ERBB4: variants seen among roughly 807,000 people sequenced by gnomAD.
The protein encoded by ERBB4 is receptor tyrosine-protein kinase erbB-4.
A neutral mutation model predicts 158.0 loss-of-function variants in ERBB4; 42 were observed. That is an observed-to-expected ratio of 0.27 (90% CI 0.21 to 0.34). ERBB4 has a LOEUF of 0.34. Among genes scored for constraint, ERBB4 ranks in the 10% least tolerant of loss-of-function variants. The pLI is 1.00. For synonymous variants in ERBB4, 583 were observed against 558.7 expected (o/e 1.04, Z -0.61); for missense variants, 1,333 against 1,624.1 (o/e 0.82, Z 3.08).
chr2:211,623,202 G>C lies in ERBB4; in HGVS notation c.2202+720C>G, dbSNP rs982517346. On this transcript the variant is annotated intron_variant, in intron 18 of 27. Transcript: ENST00000342788. ...GCCTCTGAATTGGTCCTGTAATTAA[G>C]GCAAATAAGTAAACATACACATGCC... is the stretch of plus-strand genomic sequence containing the variant. Among the ~76,000 whole-genome samples, 3 of 150,654 alleles carry C rather than the reference G, an allele frequency of 2.0e-5. No homozygotes were observed. The South Asian group carries it at 6.3e-4, about 32-fold the overall frequency.
intron 1 of ERBB4, among the ~76,000 whole-genome samples, chr2:212,440,556 G>T (rs942123062): frequency 2.6e-5 from 4 of 152,030 alleles, no homozygotes; most frequent in African/African-American, 9.7e-5. Context: ...ACAGATTTTG[G>T]TACCAGGAGT....
chr2:212,491,011 A>G (rs1054414403), intron 1 of ERBB4, among the ~76,000 whole-genome samples: 1 of 151,682 alleles, frequency 6.6e-6, no homozygotes, highest in Non-Finnish European at 1.5e-5. Flanking sequence ...TCCTTTTCAC[A>G]GATGCTGTTA....
chr2:212,172,474 T>C (rs775928741), intron 1 of ERBB4, among the ~76,000 whole-genome samples: 16 of 152,204 alleles, frequency 1.1e-4, no homozygotes, highest in African/African-American at 2.2e-4. Flanking sequence ...CGTATGTTCA[T>C]TGCAGCACTG....
intron 1 of ERBB4, among the ~76,000 whole-genome samples, chr2:212,149,113 TATGTAACTAACCTGCACA>T (rs2080781623): frequency 1.3e-5 from 2 of 150,080 alleles, no homozygotes; most frequent in Admixed American, 1.3e-4. Flanking sequence ...CATGTATACA[TATGTAACTAACCTGCACA>T]ATGTGCACAT....
At chr2:211,939,722 C>A (rs974945595) in intron 3 of ERBB4, among the ~76,000 whole-genome samples, 1 of 152,026 alleles carries the variant, frequency 6.6e-6, no homozygotes, top group Non-Finnish European at 1.5e-5. Flanking sequence ...CCGAGGCGGG[C>A]GGATCACGAG....
intron 12 of ERBB4, 133 bp downstream of exon 12, chr2:211,701,834 C>A: frequency 1.8e-5 from 9 of 501,976 alleles, no homozygotes; most frequent in Non-Finnish European, 2.6e-5. Context: ...ATTGTAACAA[C>A]TACCTTCCTT....
intron 12 of ERBB4, among the ~76,000 whole-genome samples, chr2:211,694,838 T>C (rs185332365): frequency 1.3e-5 from 2 of 152,130 alleles, no homozygotes. Context: ...TTACTCAAGA[T>C]AGCATGGGAT....
At chr2:212,232,424 T>A (rs2083699724) in intron 1 of ERBB4, among the ~76,000 whole-genome samples, 1 of 152,140 alleles carries the variant, frequency 6.6e-6, no homozygotes, top group African/African-American at 2.4e-5. Flanking sequence ...TTATTATTAT[T>A]TTGAGACAGA....
chr2:212,204,921 C>T (rs1030912611), intron 1 of ERBB4, among the ~76,000 whole-genome samples: 3 of 146,464 alleles, frequency 2.0e-5, no homozygotes, highest in African/African-American at 7.6e-5. Context: ...CGGGTTCAAA[C>T]GATTCTCCTG....
chr2:212,196,398 G>C (rs1013542899), intron 1 of ERBB4, among the ~76,000 whole-genome samples: 1 of 151,942 alleles, frequency 6.6e-6, no homozygotes, highest in African/African-American at 2.4e-5. Context: ...CATTGGTCTT[G>C]CCCTCTTAGG....
chr2:211,526,368 T>A (rs1260269229), intron 20 of ERBB4, among the ~76,000 whole-genome samples: 1 of 152,126 alleles, frequency 6.6e-6, no homozygotes, highest in Non-Finnish European at 1.5e-5. Context: ...CCAGATCTTG[T>A]CCACAACCAC....
chr2:211,722,446 T>C lies in ERBB4; in HGVS notation c.830A>G (p.His277Arg). The stretch of plus-strand genomic sequence containing the variant: ...ATATGTGTACTTTGCATTGAAATTG[T>C]GCTCCAGTTGAAAGGTGGTTGGATT... ...VYNPTTFQLE[H>R]NFNAKYTYGA... Residue 277 changes from histidine (H) to arginine (R), a missense_variant, in exon 7 of 28, where the codon CAC (histidine) becomes CGC (arginine). Physicochemically the swap from His to Arg is conservative, Grantham distance 29. Around this residue, in one of 5 missense-constraint regions of ERBB4, gnomAD observed 438 missense variants for 586.9 expected, o/e 0.75. Transcript: ENST00000342788. The C allele has an allele frequency of 1.2e-6, 2 of 1,613,886 alleles. No homozygotes were observed. The highest frequency in any genetic ancestry group is 1.7e-6 in the Non-Finnish European group (2 of 1,179,780).
chr2:212,363,602 T>A (rs1285544066), intron 1 of ERBB4, among the ~76,000 whole-genome samples: 1 of 151,456 alleles, frequency 6.6e-6, no homozygotes, highest in Non-Finnish European at 1.5e-5. Context: ...TGAAAATAAT[T>A]TACATTTGAC....
chr2:211,661,907 C>T (rs1368507631), intron 15 of ERBB4, among the ~76,000 whole-genome samples: 4 of 148,038 alleles, frequency 2.7e-5, no homozygotes, highest in East Asian at 2.0e-4. Context: ...GGCGTAGTGG[C>T]GGGCGCCTGT....
At chr2:212,120,420 T>C (rs963848009) in intron 2 of ERBB4, among the ~76,000 whole-genome samples, 2 of 152,164 alleles carry the variant, frequency 1.3e-5, no homozygotes, top group African/African-American at 4.8e-5. Context: ...ATATATGAAA[T>C]TGGGGTCTAT....
At chr2:211,693,577 C>A (rs896839956) in intron 12 of ERBB4, among the ~76,000 whole-genome samples, 1 of 152,046 alleles carries the variant, frequency 6.6e-6, no homozygotes, top group South Asian at 2.1e-4. Flanking sequence ...GACTATAGAA[C>A]GATGGGGGAA....
chr2:211,859,519 G>A (rs755047734), intron 3 of ERBB4, among the ~76,000 whole-genome samples: 9 of 152,086 alleles, frequency 5.9e-5, no homozygotes, highest in Admixed American at 2.0e-4. Flanking sequence ...TAAAAGATGT[G>A]TTATGTTTAA....
intron 1 of ERBB4, among the ~76,000 whole-genome samples, chr2:212,474,638 C>T (rs753757555): frequency 7.9e-5 from 12 of 151,958 alleles, no homozygotes; most frequent in Non-Finnish European, 1.8e-4. Flanking sequence ...TCCTCCTCTC[C>T]GTCTTTTTGA....
chr2:211,794,161 T>C (rs1475579451), intron 3 of ERBB4, among the ~76,000 whole-genome samples: 1 of 151,984 alleles, frequency 6.6e-6, no homozygotes, highest in African/African-American at 2.4e-5. Context: ...AGCTCAGTAA[T>C]GCTTGTTGCA....
Sources: allele counts gnomAD v4.1 joint callset (sites outside exome capture counted in the v4.1 genomes callset), GRCh38; gene constraint gnomAD v4.1.1; regional missense constraint gnomAD v4.1.1; transcripts MANE v1.5; gene names NCBI Gene and HGNC (gene_info 2026-07-23, HGNC 2026-07-21).